The following LAMA1 variants were observed in gnomAD, a reference collection of about 807,000 sequenced individuals.
LAMA1 encodes the protein laminin subunit alpha 1, also known as laminin subunit alpha-1.
In LAMA1, 219 loss-of-function variants were observed where a neutral mutation model predicts 348.7. That is an observed-to-expected ratio of 0.63 (90% CI 0.56 to 0.70). LAMA1 has a LOEUF of 0.70. Among genes scored for constraint, LAMA1 ranks in the 30% least tolerant of loss-of-function variants. The pLI is 0.00. For synonymous variants in LAMA1, 1,487 were observed against 1,491.0 expected, an observed-to-expected ratio of 1.00 and a Z score of 0.06; for missense variants, 3,744 against 3,888.0, an observed-to-expected ratio of 0.96 and a Z score of 0.99.
chr18:7,016,001 C>A, intron 21 of LAMA1, 143 bp from the exon 22 acceptor site: 2 of 975,912 alleles, frequency 2.0e-6, no homozygotes, highest in Non-Finnish European at 1.6e-6. Context: ...CAAGACCCCT[C>A]CATGTCTCAT....
Position 6,959,464 on chromosome 18 carries a change from C to T in LAMA1, c.7655G>A (p.Gly2552Asp). The T allele has an allele frequency of 6.2e-7, 1 of 1,614,198 alleles. No individual in the cohort carries two copies. Among genetic ancestry groups the T allele is most frequent in the Non-Finnish European group, 8.5e-7 (1 of 1,180,038 alleles). The change falls in exon 54 of 63, where the codon GGC (glycine) becomes GAC (aspartate). Residue 2552 changes from glycine to aspartate, a missense_variant. This residue lies in a region of LAMA1 where 1,983 missense variants were observed against 1,934.3 expected (regional missense o/e 1.03). Transcript: ENST00000389658. The part of the protein sequence containing the change: ...VPFFSVMLIG[G>D]NIEVHVNPGD... ...AGGATTGACATGTACCTCAATGTTG[C>T]CTCCGATCAGCATGACGGAAAAGAA...
intron 1 of LAMA1, among the ~76,000 whole-genome samples, chr18:7,103,166 C>T (rs190161758): frequency 2.5e-3 from 374 of 152,254 alleles, no homozygotes; most frequent in Non-Finnish European, 3.9e-3. Flanking sequence ...GCCTGTAATC[C>T]CACCACTTTG....
At chr18:7,104,267 G>A (rs1284162149) in intron 1 of LAMA1, among the ~76,000 whole-genome samples, 14 of 152,122 alleles carry the variant, frequency 9.2e-5, no homozygotes, top group African/African-American at 1.7e-4. Context: ...GTGAGCCACC[G>A]CGTCCAGCCA....
At chr18:7,010,788 T>G (rs1477742554) in intron 25 of LAMA1, among the ~76,000 whole-genome samples, 1 of 152,190 alleles carries the variant, frequency 6.6e-6, no homozygotes, top group Non-Finnish European at 1.5e-5. Context: ...CCTTTCATGA[T>G]CTTTTATAGT....
At chr18:7,070,581 G>A (rs2058141906) in intron 3 of LAMA1, among the ~76,000 whole-genome samples, 1 of 152,118 alleles carries the variant, frequency 6.6e-6, no homozygotes, top group Non-Finnish European at 1.5e-5. Flanking sequence ...CTGAATTAAT[G>A]AGGTTTTACA....
At position 6,949,023 on chromosome 18, in the gene LAMA1, T is replaced by C; in HGVS notation, c.8556+78A>G. The stretch of plus-strand genomic sequence containing the variant: ...AAACAAGGTAATTTAAACATAAAGA[T>C]GCCGTGAGGTATGCTCTTCTACAAA... On this transcript the variant is annotated intron_variant, in intron 59 of 62. Coordinates refer to ENST00000389658, the MANE Select transcript of LAMA1 (RefSeq NM_005559.4). The C allele has an allele frequency of 1.9e-6, 3 of 1,554,996 alleles. No homozygotes were observed. In the South Asian group the frequency reaches 3.4e-5, roughly 18 times the overall value.
rs1178467103 is a variant in LAMA1, at chr18:6,962,043, T to C, written c.7354A>G (p.Lys2452Glu). 6.2e-7 allele frequency: 1 copy of C among 1,613,656 alleles called. No homozygotes were observed. The highest frequency in any genetic ancestry group is 1.3e-5 in the African/African-American group (1 of 74,940). ...TTCTTGATGCAGCCCACAAAGCTTT[T>C]GGTGGTGACACCTCTCCTGTAGGGA... ...SRVVRRGVTTKSFVGCIKNLE... is the reference protein window; with the variant it reads ...SRVVRRGVTTESFVGCIKNLE... The change falls in exon 52 of 63, where the codon AAA (lysine) becomes GAA (glutamate). Residue 2452 changes from lysine (K) to glutamate (E), a missense_variant. Transcript: ENST00000389658.
In LAMA1 at chr18:6,955,371, T is replaced by C; in HGVS notation, c.8189A>G (p.Gln2730Arg). Residue 2730 changes from glutamine (Q) to arginine (R), a missense_variant, in exon 57 of 63, where the codon CAG becomes CGG. Gln to Arg is a conservative substitution (Grantham distance 43). Transcript: ENST00000389658. ...QNSHFILPFN[Q>R]SAVRKKLSVE... ...TACCTACTTCTTTCTGACAGCCGAC[T>C]GATTAAAAGGCAAGATGAAATGGCT... 1 of 1,614,062 alleles carries C rather than the reference T, an allele frequency of 6.2e-7. No homozygotes were observed. The highest frequency in any genetic ancestry group is 8.5e-7 in the Non-Finnish European group (1 of 1,179,952).
At chr18:6,993,238 T>C (rs615523) in intron 35 of LAMA1, among the ~76,000 whole-genome samples, 106,292 of 151,992 alleles carry the variant, frequency 0.7, 37,369 homozygotes, top group East Asian at 0.92. Flanking sequence ...CTGAAAATAG[T>C]ATGCTAAAAG....
At chr18:6,975,595 A>G (rs1371722640) in intron 45 of LAMA1, among the ~76,000 whole-genome samples, 1 of 152,198 alleles carries the variant, frequency 6.6e-6, no homozygotes, top group Non-Finnish European at 1.5e-5. Context: ...TGCCATCTGG[A>G]GACCACTGGA....
intron 57 of LAMA1, 95 bp from the exon 58 acceptor site, chr18:6,951,066 C>T: frequency 9.4e-7 from 1 of 1,061,538 alleles, no homozygotes; most frequent in Non-Finnish European, 1.4e-6. Flanking sequence ...TCAGCGTTTA[C>T]ATTGAACATC....
At chr18:7,036,773 A>G (rs1598291727) in intron 12 of LAMA1, among the ~76,000 whole-genome samples, 2 of 152,354 alleles carry the variant, frequency 1.3e-5, no homozygotes, top group Non-Finnish European at 2.9e-5. Context: ...ACAAGTTTTA[A>G]AATGAAAATA....
chr18:7,115,222 T>C (rs945939330), intron 1 of LAMA1, among the ~76,000 whole-genome samples: 1 of 152,234 alleles, frequency 6.6e-6, no homozygotes, highest in African/African-American at 2.4e-5. Context: ...ATTTGAATAC[T>C]ATGTCATATA....
intron 34 of LAMA1, among the ~76,000 whole-genome samples, chr18:6,994,908 G>A (rs911192414): frequency 6.6e-6 from 1 of 152,110 alleles, no homozygotes; most frequent in African/African-American, 2.4e-5. Context: ...CCTGAAGTTT[G>A]CACAGATGCC....
chr18:7,022,957 G>T (rs186745446), intron 19 of LAMA1, among the ~76,000 whole-genome samples: 42 of 152,274 alleles, frequency 2.8e-4, no homozygotes, highest in African/African-American at 1.0e-3. Flanking sequence ...ACCCCTATGG[G>T]TTATGACTAA....
intron 28 of LAMA1, 61 bp from the exon 29 acceptor site, chr18:7,007,337 A>G: frequency 6.5e-7 from 1 of 1,527,922 alleles, no homozygotes; most frequent in Admixed American, 1.9e-5. Context: ...AAGGACTTGA[A>G]TAGACACTTC....
At position 6,999,546 on chromosome 18, in the gene LAMA1, C is replaced by T. The variant is rs2057798087; in HGVS notation, c.4562G>A (p.Cys1521Tyr). ...CNPHGSVHGDCDRTSGQCVCR... is the reference protein window; with the variant it reads ...CNPHGSVHGDYDRTSGQCVCR... ...AACGCACTGCCCAGATGTGCGGTCA[C>T]AGTCACCGTGGACAGAGCCGTGCGG... The change falls in exon 32 of 63, where the codon TGT (cysteine) becomes TAT (tyrosine). Residue 1521 changes from cysteine to tyrosine, a missense_variant. Around this residue, in one of 3 missense-constraint regions of LAMA1, gnomAD observed 1,983 missense variants for 1,934.3 expected, o/e 1.03. Transcript: ENST00000389658. 2 of 1,614,144 alleles carry T rather than the reference C, an allele frequency of 1.2e-6. No homozygotes were observed. The highest frequency in any genetic ancestry group is 1.7e-6 in the Non-Finnish European group (2 of 1,180,024).
intron 46 of LAMA1, 46 bp downstream of exon 46, chr18:6,974,857 C>T (rs773879598): frequency 1.2e-6 from 2 of 1,611,446 alleles, no homozygotes; most frequent in Admixed American, 1.7e-5. Flanking sequence ...ACTTATGAGA[C>T]ACACTTTAAA....
At chr18:6,987,796 G>T (rs748675399) in intron 36 of LAMA1, among the ~76,000 whole-genome samples, 1 of 152,110 alleles carries the variant, frequency 6.6e-6, no homozygotes, top group Non-Finnish European at 1.5e-5. Flanking sequence ...AATTTTTAAT[G>T]ATATAATTTT....
Sources: gnomAD v4.1 joint callset for allele counts (sites outside exome capture counted in the v4.1 genomes callset) on GRCh38, gnomAD v4.1.1 for gene constraint, gnomAD v4.1.1 regional missense constraint, MANE v1.5 for transcripts, NCBI Gene and HGNC (gene_info 2026-07-23, HGNC 2026-07-21) for gene names.